The following USP43 variants were observed in gnomAD, a reference collection of about 807,000 sequenced individuals.
USP43 encodes ubiquitin carboxyl-terminal hydrolase 43.
A neutral mutation model predicts 90.7 loss-of-function variants in USP43; 33 were observed. The observed-to-expected ratio is 0.36, with a 90% CI of 0.28 to 0.49. USP43 has a LOEUF of 0.49. Among genes scored for constraint, USP43 ranks in the 20% least tolerant of loss-of-function variants. The pLI, the probability that USP43 is intolerant of heterozygous loss-of-function variation, is 0.98. For synonymous variants in USP43, 598 were observed against 615.8 expected, an observed-to-expected ratio of 0.97 and a Z score of 0.43; for missense variants, 1,274 against 1,476.4, an observed-to-expected ratio of 0.86 and a Z score of 2.25.
rs60162853 is a variant in USP43 at position 9,681,097 on chromosome 17, CATATACTATATAATATATACTATATAAT to C, written c.1105+791_1105+818del. Among the ~76,000 whole-genome samples, 97 of 71,186 alleles carry C rather than the reference CATATACTATATAATATATACTATATAAT, an allele frequency of 1.4e-3. 7 individuals are homozygous for C. Among genetic ancestry groups the C allele is most frequent in the African/African-American group, 5.2e-3 (75 of 14,550 alleles). 46.7% of individuals were successfully genotyped at this position (71,186 alleles called of 152,430 possible). A position where few individuals can be genotyped will look rare whatever the true frequency, so the allele number is the denominator to read the frequency against. ...ATATCATATATAATATAATATATGA[CATATACTATATAATATATACTATATAAT>C]ATATACTATATAATATATACTATAT... On this transcript the variant is annotated intron_variant, in intron 6 of 14. Coordinates refer to ENST00000285199, the MANE Select transcript of USP43 (RefSeq NM_153210.5).
intron 1 of USP43, among the ~76,000 whole-genome samples, chr17:9,647,938 G>A (rs1256280394): frequency 5.3e-5 from 8 of 152,034 alleles, no homozygotes; most frequent in Non-Finnish European, 1.0e-4. Flanking sequence ...GGAGAATGGC[G>A]TGAACCTGGG....
At chr17:9,662,544 G>A (rs1043617687) in intron 2 of USP43, among the ~76,000 whole-genome samples, 20 of 152,134 alleles carry the variant, frequency 1.3e-4, no homozygotes, top group African/African-American at 4.6e-4. Context: ...GTCCACAGGT[G>A]TCCTGAATCC....
chr17:9,646,123 C>A lies in USP43; in HGVS notation c.491C>A (p.Ser164Tyr). 6.8e-7 allele frequency: 1 copy of A among 1,473,042 alleles called. No individual in the cohort carries two copies. Among genetic ancestry groups the A allele is most frequent in the African/African-American group, 1.5e-5 (1 of 67,440 alleles). The allele number at this position is 1,473,042 out of a possible 1,614,324, so 91.2% of individuals were successfully genotyped here. Residue 164 changes from serine (S) to tyrosine (Y), a missense_variant, in exon 1 of 15, where the codon TCC (serine) becomes TAC (tyrosine). By Grantham distance (144) the Ser-to-Tyr change is moderately radical. Transcript: ENST00000285199. ...ACTCGCGAATACACGCCCCAACTTTCCGCGGAGTTCAAGGTAGGCAGCGCT... is the reference window on the plus strand; with the variant it reads ...ACTCGCGAATACACGCCCCAACTTTACGCGGAGTTCAAGGTAGGCAGCGCT... Reference protein sequence around the residue: ...LWTREYTPQLSAEFKNAVSKY... With the variant: ...LWTREYTPQLYAEFKNAVSKY...
rs1033134614 is a variant in USP43, at chr17:9,681,361, AATAAATAAATATAT to A, written c.1105+1009_1105+1022del. 1.2e-4 allele frequency among the ~76,000 whole-genome samples: 14 copies of A among 117,404 alleles called. No homozygotes were observed. In the East Asian group the frequency reaches 2.0e-3, roughly 16 times the overall value. 77.0% of individuals were successfully genotyped at this position (117,404 alleles called of 152,430 possible). A position where few individuals can be genotyped will look rare whatever the true frequency, so the allele number is the denominator to read the frequency against. ...ATATATATATAAATAAAATAAATAA[AATAAATAAATATAT>A]ATAAATAAATATAATATAGATAAAT... On this transcript the variant is annotated intron_variant, in intron 6 of 14. Transcript: ENST00000285199.
At chr17:9,666,395 C>T (rs762298328) in intron 2 of USP43, among the ~76,000 whole-genome samples, 45 of 152,072 alleles carry the variant, frequency 3.0e-4, no homozygotes, top group Non-Finnish European at 5.1e-4. Flanking sequence ...TGAGAATGAG[C>T]GAGCATCCAC....
chr17:9,645,435 T>A, upstream of USP43: 1 of 359,264 alleles, frequency 2.8e-6, no homozygotes, highest in Non-Finnish European at 4.5e-6. This position sits in a 1 kb window ranked among gnomAD's most constrained non-coding sequence, Gnocchi z 6.8. Context: ...GGCGCTGCCC[T>A]GGAGGGGGCT....
intron 2 of USP43, among the ~76,000 whole-genome samples, chr17:9,660,434 C>T (rs182950441): frequency 1.3e-5 from 2 of 152,324 alleles, no homozygotes; most frequent in African/African-American, 4.8e-5. Context: ...CAAGTGTGAG[C>T]CACCACGCCC....
intron 3 of USP43, among the ~76,000 whole-genome samples, chr17:9,670,112 C>A (rs1460048866): frequency 2.7e-5 from 4 of 150,282 alleles, no homozygotes; most frequent in African/African-American, 9.8e-5. Flanking sequence ...AGTCTCGGCT[C>A]ACTGCAACCT....
chr17:9,709,895 G>A lies in USP43; in HGVS notation c.2012-61G>A, dbSNP rs1206703520. 7.4e-7 allele frequency: 1 copy of A among 1,357,322 alleles called. No individual in the cohort carries two copies. Among genetic ancestry groups the A allele is most frequent in the East Asian group, 2.7e-5 (1 of 36,376 alleles). The allele number at this position is 1,357,322 out of a possible 1,614,324, so 84.1% of individuals were successfully genotyped here. ...ACCGCTTTTTCAGCTATGCCAGTGG[G>A]AAATGTCTTCCTACCTTTTGGGGCT... On this transcript the variant is annotated intron_variant, in intron 12 of 14. Transcript: ENST00000285199. This position sits in a 1 kb window ranked among gnomAD's most constrained non-coding sequence, Gnocchi z 5.0.
intron 14 of USP43, among the ~76,000 whole-genome samples, chr17:9,727,130 G>A (rs780975356): frequency 6.6e-6 from 1 of 151,990 alleles, no homozygotes; most frequent in South Asian, 2.1e-4. Flanking sequence ...GTGCCACCAC[G>A]CCCAGCTAAT....
At chr17:9,666,815 C>G in intron 3 of USP43, 64 bp downstream of exon 3, 2 of 1,301,714 alleles carry the variant, frequency 1.5e-6, no homozygotes, top group East Asian at 2.5e-5. Flanking sequence ...TCCTGGTAAC[C>G]AGTCTCCCAT....
At chr17:9,695,982 A>G (rs146600416) in intron 9 of USP43, among the ~76,000 whole-genome samples, 1 of 152,256 alleles carries the variant, frequency 6.6e-6, no homozygotes, top group East Asian at 1.9e-4. Flanking sequence ...ATAATATTCC[A>G]TTGTATGTAT....
In USP43 at chr17:9,709,671, G is replaced by A. The variant is rs969526719; in HGVS notation, c.2012-285G>A. On this transcript the variant is annotated intron_variant, in intron 12 of 14. Transcript: ENST00000285199. The surrounding 1 kb of genome is among the most constrained non-coding windows in gnomAD (Gnocchi z 5.0). Reference sequence around the variant, plus strand: ...GTGGAGGTTGCCGTGAGCCGAGATCGCGCCACTTCACTCCAGCCTGGGTGA... The same window carrying A: ...GTGGAGGTTGCCGTGAGCCGAGATCACGCCACTTCACTCCAGCCTGGGTGA... Among the ~76,000 whole-genome samples the A allele has an allele frequency of 5.3e-5, 8 of 151,930 alleles. No homozygotes were observed. The highest frequency in any genetic ancestry group is 7.3e-5 in the African/African-American group (3 of 41,368).
intron 12 of USP43, among the ~76,000 whole-genome samples, chr17:9,706,145 G>A (rs1307269000): frequency 2.6e-5 from 4 of 152,192 alleles, no homozygotes. Context: ...TTCCTTTCCT[G>A]TGAACTGTCT....
chr17:9,676,654 G>A, intron 4 of USP43, 92 bp from the exon 5 acceptor site: 1 of 1,470,714 alleles, frequency 6.8e-7, no homozygotes, highest in Non-Finnish European at 9.1e-7. Flanking sequence ...TTACAGGTGT[G>A]AGCCACTGCG....
At chr17:9,694,188 G>A (rs117825341) in intron 9 of USP43, among the ~76,000 whole-genome samples, 1,782 of 152,324 alleles carry the variant, frequency 0.012, 17 homozygotes, top group Non-Finnish European at 0.017. Flanking sequence ...GACTTGGTCA[G>A]CCAAATTCAA....
At chr17:9,678,912 T>C (rs928302559) in intron 5 of USP43, among the ~76,000 whole-genome samples, 3 of 152,076 alleles carry the variant, frequency 2.0e-5, no homozygotes, top group African/African-American at 4.8e-5. Context: ...GTTACTAAAA[T>C]GTCAACTTGC....
At chr17:9,671,271 G>A (rs1913412375) in intron 3 of USP43, among the ~76,000 whole-genome samples, 2 of 147,350 alleles carry the variant, frequency 1.4e-5, no homozygotes, top group Non-Finnish European at 3.0e-5. Context: ...GTTTTGGCTG[G>A]AGGAGGGAGT....
chr17:9,666,824 A>G (rs1913064562), intron 3 of USP43, 73 bp downstream of exon 3: 1 of 1,190,216 alleles, frequency 8.4e-7, no homozygotes, highest in Non-Finnish European at 1.2e-6. Flanking sequence ...CCAGTCTCCC[A>G]TTGACAGATT....
Sources: allele counts gnomAD v4.1 joint callset (sites outside exome capture counted in the v4.1 genomes callset), GRCh38; gene constraint gnomAD v4.1.1; non-coding constraint Gnocchi (gnomAD v3.1); transcripts MANE v1.5; gene names NCBI Gene and HGNC (gene_info 2026-07-23, HGNC 2026-07-21).